Variants in UBE2E2 observed in about 807,000 individuals in gnomAD.
UBE2E2 encodes the protein ubiquitin conjugating enzyme E2 E2.
UBE2E2 carries 6 observed loss-of-function variants against 24.7 expected under a neutral mutation model. The ratio of observed to expected loss-of-function variants is 0.24; its 90% confidence interval spans 0.13 to 0.48. The LOEUF is 0.48. Among genes scored for constraint, UBE2E2 ranks in the 20% least tolerant of loss-of-function variants. UBE2E2 has a pLI of 0.99. For missense variants in UBE2E2, 169 were observed against 245.0 expected (o/e 0.69, Z 2.07); for synonymous variants, 104 against 83.6 (o/e 1.24, Z -1.33).
At chr3:23,334,070 A>G (rs1218694856) in intron 3 of UBE2E2, among the ~76,000 whole-genome samples, 6 of 152,170 alleles carry the variant, frequency 3.9e-5, no homozygotes, top group Admixed American at 1.3e-4. Flanking sequence ...AGCAGTTTCT[A>G]TCCTTACTCA....
At chr3:23,393,701 C>T (rs747006057) in intron 3 of UBE2E2, among the ~76,000 whole-genome samples, 3 of 151,878 alleles carry the variant, frequency 2.0e-5, no homozygotes, top group Non-Finnish European at 4.4e-5. Context: ...CAAACTGTAG[C>T]CAGTGGGCCA....
intron 3 of UBE2E2, among the ~76,000 whole-genome samples, chr3:23,292,405 C>T (rs2125249691): frequency 6.6e-6 from 1 of 152,140 alleles, no homozygotes; most frequent in Non-Finnish European, 1.5e-5. Flanking sequence ...TACTTTTATT[C>T]CTGACCTTAT....
intron 3 of UBE2E2, among the ~76,000 whole-genome samples, chr3:23,368,059 T>A (rs1253273532): frequency 6.6e-6 from 1 of 152,226 alleles, no homozygotes; most frequent in Admixed American, 6.5e-5. Flanking sequence ...AGTGGTCATT[T>A]AATTAGCATT....
At chr3:23,302,127 A>G (rs1699113452) in intron 3 of UBE2E2, among the ~76,000 whole-genome samples, 1 of 151,938 alleles carries the variant, frequency 6.6e-6, no homozygotes, top group Non-Finnish European at 1.5e-5. Flanking sequence ...CTCCATGATT[A>G]CTTTAGGTTT....
chr3:23,588,737 G>A (rs934861858), intron 5 of UBE2E2, among the ~76,000 whole-genome samples: 2 of 152,070 alleles, frequency 1.3e-5, no homozygotes, highest in African/African-American at 4.8e-5. Flanking sequence ...TCCACGTTGG[G>A]CAAGAGACTC....
At chr3:23,342,546 T>G (rs550581718) in intron 3 of UBE2E2, among the ~76,000 whole-genome samples, 1 of 152,344 alleles carries the variant, frequency 6.6e-6, no homozygotes, top group East Asian at 1.9e-4. Flanking sequence ...TAGGCTACAT[T>G]TTCACACTAC....
chr3:23,390,295 A>G (rs962906499), intron 3 of UBE2E2, among the ~76,000 whole-genome samples: 1 of 152,080 alleles, frequency 6.6e-6, no homozygotes, highest in Non-Finnish European at 1.5e-5. Flanking sequence ...TACCCATATT[A>G]ACCCCAAACC....
chr3:23,299,095 T>C (rs945212733), intron 3 of UBE2E2, among the ~76,000 whole-genome samples: 48 of 152,248 alleles, frequency 3.2e-4, no homozygotes, highest in African/African-American at 1.0e-3. Flanking sequence ...TATAGTATTC[T>C]CTGATGGTAG....
chr3:23,495,390 A>G (rs1334126205), intron 3 of UBE2E2, among the ~76,000 whole-genome samples: 1 of 152,154 alleles, frequency 6.6e-6, no homozygotes, highest in Non-Finnish European at 1.5e-5. Context: ...GTGACTCCTT[A>G]TTTAGCCTAT....
chr3:23,469,091 A>G (rs1253857185), intron 3 of UBE2E2, among the ~76,000 whole-genome samples: 2 of 152,120 alleles, frequency 1.3e-5, no homozygotes, highest in Non-Finnish European at 2.9e-5. Flanking sequence ...ACAGTTTTGG[A>G]GGCTGGATGT....
chr3:23,279,873 CTT>C (rs201135552), intron 3 of UBE2E2, among the ~76,000 whole-genome samples: 1 of 152,220 alleles, frequency 6.6e-6, no homozygotes, highest in Non-Finnish European at 1.5e-5. Flanking sequence ...TGACCAAACT[CTT>C]TTCCCTGCTC....
intron 5 of UBE2E2, among the ~76,000 whole-genome samples, chr3:23,561,429 A>G (rs553000401): frequency 8.5e-5 from 13 of 152,174 alleles, no homozygotes; most frequent in Admixed American, 8.5e-4. Context: ...CCATTGGTCT[A>G]TATCTCTGTT....
chr3:23,355,962 C>T (rs925196689), intron 3 of UBE2E2, among the ~76,000 whole-genome samples: 1 of 152,210 alleles, frequency 6.6e-6, no homozygotes, highest in African/African-American at 2.4e-5. Flanking sequence ...TTGTTTTACA[C>T]AGGAGGCTGC....
chr3:23,569,479 G>T (rs1696172271), intron 5 of UBE2E2, among the ~76,000 whole-genome samples: 1 of 152,230 alleles, frequency 6.6e-6, no homozygotes, highest in Non-Finnish European at 1.5e-5. Flanking sequence ...TGTATGGTAT[G>T]TGAATTACAT....
At chr3:23,573,015 A>G (rs1287701554) in intron 5 of UBE2E2, among the ~76,000 whole-genome samples, 1 of 152,082 alleles carries the variant, frequency 6.6e-6, no homozygotes, top group Admixed American at 6.5e-5. Context: ...TATTAATCTC[A>G]TCAAGATTAG....
intron 3 of UBE2E2, among the ~76,000 whole-genome samples, chr3:23,353,878 A>T (rs1378083479): frequency 6.6e-6 from 1 of 152,150 alleles, no homozygotes; most frequent in Non-Finnish European, 1.5e-5. Flanking sequence ...CAGAATTGGA[A>T]AACACTACTT....
chr3:23,354,977 C>G (rs1334736745), intron 3 of UBE2E2, among the ~76,000 whole-genome samples: 4 of 151,926 alleles, frequency 2.6e-5, no homozygotes, highest in Admixed American at 1.3e-4. Context: ...TTGGAACCAA[C>G]CCAAATGTCC....
At chr3:23,376,274 G>C (rs1038404905) in intron 3 of UBE2E2, among the ~76,000 whole-genome samples, 18 of 152,270 alleles carry the variant, frequency 1.2e-4, no homozygotes, top group African/African-American at 4.3e-4. Context: ...TAGCCAGCCT[G>C]TTTTAGACTT....
intron 3 of UBE2E2, among the ~76,000 whole-genome samples, chr3:23,264,956 A>C (rs563495165): frequency 3.6e-4 from 55 of 152,308 alleles, no homozygotes; most frequent in African/African-American, 1.3e-3. Flanking sequence ...AAAAGTGTTC[A>C]CTACATTTCC....
Sources: gnomAD v4.1 joint callset for allele counts (sites outside exome capture counted in the v4.1 genomes callset) on GRCh38, gnomAD v4.1.1 for gene constraint, MANE v1.5 for transcripts, NCBI Gene and HGNC (gene_info 2026-07-23, HGNC 2026-07-21) for gene names.